Variants in KPNA7 observed in about 807,000 individuals in gnomAD.
The protein encoded by KPNA7 is karyopherin subunit alpha 7.
KPNA7 carries 54 observed loss-of-function variants against 53.7 expected under a neutral mutation model. The observed-to-expected ratio is 1.01, with a 90% confidence interval of 0.81 to 1.26. The LOEUF (loss-of-function observed/expected upper bound fraction) is 1.26, where lower values mean the gene tolerates loss of function less well. Ranked by LOEUF, KPNA7 falls within the 50% of genes most tolerant of loss-of-function variation. KPNA7 has a pLI of 0.00. For missense variants in KPNA7, 640 were observed against 644.5 expected (o/e 0.99, Z 0.07); for synonymous variants, 276 against 259.3 (o/e 1.06, Z -0.62).
At chr7:99,166,915 G>C in the KPNA7 span, among the ~76,000 whole-genome samples, 1 of 152,194 alleles carries the variant, frequency 6.6e-6, no homozygotes, top group Non-Finnish European at 1.5e-5. Context: ...ACCATGCCCA[G>C]TCTAGTTACT....
chr7:99,163,137 C>T, the KPNA7 span, among the ~76,000 whole-genome samples: 220 of 151,344 alleles, frequency 1.5e-3, 4 homozygotes, highest in Middle Eastern at 0.01. Flanking sequence ...GCCGAGACTG[C>T]GTGACTGCAC....
intron 8 of KPNA7, among the ~76,000 whole-genome samples, chr7:99,182,622 C>T (rs1365758686): frequency 6.6e-6 from 1 of 152,018 alleles, no homozygotes; most frequent in Admixed American, 6.6e-5. Context: ...GGCATGAACC[C>T]CCTGCCCGGC....
chr7:99,186,167 A>G (rs1789578776), intron 7 of KPNA7, among the ~76,000 whole-genome samples: 1 of 152,172 alleles, frequency 6.6e-6, no homozygotes, highest in South Asian at 2.1e-4. Context: ...AATTGGAGAT[A>G]ATGAGATCTC....
At chr7:99,160,111 G>A in the KPNA7 span, among the ~76,000 whole-genome samples, 16 of 134,222 alleles carry the variant, frequency 1.2e-4, no homozygotes, top group East Asian at 2.2e-3. Context: ...TGCAAGCTCC[G>A]CCTCCCAGGT....
chr7:99,194,996 A>AC (rs1790151397), intron 5 of KPNA7, 74 bp downstream of exon 5: 5 of 1,474,396 alleles, frequency 3.4e-6, no homozygotes, highest in Non-Finnish European at 4.6e-6. Flanking sequence ...AGTATACCCC[A>AC]CCACCCAAAG....
chr7:99,158,726 AC>A, the KPNA7 span, among the ~76,000 whole-genome samples: 1 of 151,158 alleles, frequency 6.6e-6, no homozygotes, highest in Non-Finnish European at 1.5e-5. Context: ...CTTGTCTCGA[AC>A]TCCTGACTTC....
chr7:99,193,915 C>T (rs1014016742), intron 5 of KPNA7, among the ~76,000 whole-genome samples: 5 of 152,078 alleles, frequency 3.3e-5, no homozygotes, highest in African/African-American at 1.2e-4. Flanking sequence ...TGGGCTCAAG[C>T]CATCCTCCCA....
At chr7:99,159,397 C>T in the KPNA7 span, among the ~76,000 whole-genome samples, 1 of 149,682 alleles carries the variant, frequency 6.7e-6, no homozygotes, top group African/African-American at 2.5e-5. Context: ...AGTTCGCTGC[C>T]AGGTGGGGCA....
At chr7:99,163,892 T>C in the KPNA7 span, among the ~76,000 whole-genome samples, 3 of 152,134 alleles carry the variant, frequency 2.0e-5, no homozygotes, top group Non-Finnish European at 2.9e-5. Context: ...CTACTCTGGC[T>C]ACTTAAAAAG....
intron 1 of KPNA7, among the ~76,000 whole-genome samples, chr7:99,217,950 C>A (rs1361403357): frequency 2.6e-5 from 4 of 152,102 alleles, no homozygotes; most frequent in Admixed American, 1.3e-4. Context: ...CACTCTTTAG[C>A]TTTCTGAGGG....
In KPNA7 at chr7:99,173,672, G is replaced by C; in HGVS notation, c.*36C>G. 7.5e-7 allele frequency: 1 copy of C among 1,326,878 alleles called. No homozygotes were observed. Among genetic ancestry groups the C allele is most frequent in the Middle Eastern group, 1.8e-4 (1 of 5,568 alleles). The allele number at this position is 1,326,878 out of a possible 1,614,324, so 82.2% of individuals were successfully genotyped here. A position where few individuals can be genotyped will look rare whatever the true frequency, so the allele number is the denominator to read the frequency against. The stretch of plus-strand genomic sequence containing the variant: ...TGCTTCTTAAAGAAGTTATCCTTTA[G>C]CACTGGGTTGTTGGTTTAGGAGGTA... On this transcript the variant is annotated 3_prime_UTR_variant, in exon 11 of 11. Transcript: ENST00000327442.
chr7:99,166,948 C>CA, the KPNA7 span, among the ~76,000 whole-genome samples: 38 of 152,202 alleles, frequency 2.5e-4, no homozygotes, highest in African/African-American at 7.5e-4. Flanking sequence ...ACTGCCCACA[C>CA]AGCTTTTTCT....
intron 9 of KPNA7, among the ~76,000 whole-genome samples, 187 bp downstream of exon 9, chr7:99,181,696 C>T (rs150375173): frequency 1.8e-3 from 281 of 152,250 alleles, no homozygotes; most frequent in African/African-American, 6.5e-3. Flanking sequence ...TACAGGCATG[C>T]ACTACCTTTC....
At chr7:99,177,883 A>G in intron 10 of KPNA7, 37 bp downstream of exon 10, 4 of 1,546,390 alleles carry the variant, frequency 2.6e-6, no homozygotes, top group Non-Finnish European at 3.5e-6. Flanking sequence ...CCCCACCAAG[A>G]CCCCTGGATA....
At chr7:99,213,212 C>T (rs959707682) in intron 1 of KPNA7, among the ~76,000 whole-genome samples, 1 of 151,098 alleles carries the variant, frequency 6.6e-6, no homozygotes, top group Non-Finnish European at 1.5e-5. Context: ...CTGCAACCTC[C>T]GCCTCCCGGG....
At chr7:99,181,148 T>TCCGTCTGTGTCTCTCTCC (rs1799248023) in intron 9 of KPNA7, among the ~76,000 whole-genome samples, 1 of 53,760 alleles carries the variant, frequency 1.9e-5, no homozygotes, top group African/African-American at 5.3e-5. Context: ...TGTCTCTCTC[T>TCCGTCTGTGTCTCTCTCC]CCGTCTGTGT....
chr7:99,198,056 CA>C (rs1209190178), intron 3 of KPNA7, among the ~76,000 whole-genome samples: 2 of 152,068 alleles, frequency 1.3e-5, no homozygotes, highest in African/African-American at 4.8e-5. Flanking sequence ...ACTACAGAAT[CA>C]AAAACATTGA....
At chr7:99,175,207 AT>A (rs558625724) in intron 10 of KPNA7, among the ~76,000 whole-genome samples, 1 of 151,846 alleles carries the variant, frequency 6.6e-6, no homozygotes, top group African/African-American at 2.4e-5. Flanking sequence ...CTTTGAGAGC[AT>A]TTTTTTTCTA....
chr7:99,169,246 T>TAA (rs1237427033), downstream of KPNA7, among the ~76,000 whole-genome samples: 3 of 152,168 alleles, frequency 2.0e-5, no homozygotes, highest in African/African-American at 7.2e-5. Flanking sequence ...CCTGAGAAGG[T>TAA]AGGTGTAAGG....
Sources: gnomAD v4.1 joint callset for allele counts (sites outside exome capture counted in the v4.1 genomes callset) on GRCh38, gnomAD v4.1.1 for gene constraint, MANE v1.5 for transcripts, NCBI Gene and HGNC (gene_info 2026-07-23, HGNC 2026-07-21) for gene names.